NELL1: variants seen among roughly 807,000 people sequenced by gnomAD.
NELL1 encodes the protein protein kinase C-binding protein NELL1.
Under a neutral mutation model 107.4 loss-of-function variants are expected in NELL1, and 76 were observed. The observed-to-expected ratio is 0.71, with a 90% confidence interval of 0.59 to 0.86. NELL1 has a LOEUF of 0.86. NELL1 is among the 40% of genes least tolerant of loss of function. NELL1 has a pLI of 0.00. For missense variants in NELL1, 1,024 were observed against 1,005.5 expected, an observed-to-expected ratio of 1.02 and a Z score of -0.25; for synonymous variants, 353 against 341.2, an observed-to-expected ratio of 1.03 and a Z score of -0.38.
At position 20,677,928 on chromosome 11, in the gene NELL1, C is replaced by T. The variant is rs371893947; in HGVS notation, c.56-4C>T. On this transcript the variant is annotated splice_region_variant and splice_polypyrimidine_tract_variant and intron_variant, in intron 1 of 19. Coordinates refer to ENST00000357134, the MANE Select transcript of NELL1 (RefSeq NM_006157.5). ...AGCCCAAACAACTCTTTGTTCCTTT[C>T]CAGTGGTGGGCTTTGGGATGGACCC... 6.2e-7 allele frequency: 1 copy of T among 1,613,840 alleles called. No individual in the cohort carries two copies. Among genetic ancestry groups the T allele is most frequent in the Non-Finnish European group, 8.5e-7 (1 of 1,179,896 alleles).
intron 15 of NELL1, among the ~76,000 whole-genome samples, chr11:21,375,942 T>C (rs1210752890): frequency 6.6e-6 from 1 of 152,164 alleles, no homozygotes; most frequent in Non-Finnish European, 1.5e-5. Context: ...ATATTCTGAA[T>C]ATTAGGCCTT....
At chr11:20,795,967 G>T (rs1464881080) in intron 3 of NELL1, among the ~76,000 whole-genome samples, 51 of 152,004 alleles carry the variant, frequency 3.4e-4, no homozygotes, top group Admixed American at 3.3e-3. Flanking sequence ...GGTTCTTCTA[G>T]GTAAAGTGAA....
intron 13 of NELL1, among the ~76,000 whole-genome samples, chr11:21,136,283 G>A (rs540569594): frequency 6.6e-6 from 1 of 152,304 alleles, no homozygotes; most frequent in South Asian, 2.1e-4. Context: ...AGCCATGCCT[G>A]TTGTGAGGGG....
intron 15 of NELL1, among the ~76,000 whole-genome samples, chr11:21,464,987 T>A (rs1253693386): frequency 1.3e-5 from 2 of 152,082 alleles, no homozygotes; most frequent in Non-Finnish European, 2.9e-5. Flanking sequence ...TGCACAAAAC[T>A]TTGAAAGGCA....
intron 2 of NELL1, among the ~76,000 whole-genome samples, chr11:20,707,415 A>G (rs1039264082): frequency 3.3e-5 from 5 of 152,184 alleles, no homozygotes; most frequent in African/African-American, 1.2e-4. Context: ...GCTGGCAAGG[A>G]GCTGCATTCC....
chr11:20,936,649 C>T (rs1002568155), intron 9 of NELL1, among the ~76,000 whole-genome samples: 2 of 151,840 alleles, frequency 1.3e-5, no homozygotes, highest in African/African-American at 4.9e-5. Context: ...TATGTAATTA[C>T]TGTCTATTTC....
upstream of NELL1, chr11:20,669,574 T>C (rs763838966): frequency 1.2e-4 from 64 of 512,544 alleles, no homozygotes; most frequent in African/African-American, 1.2e-3. The surrounding 1 kb of genome is among the most constrained non-coding windows in gnomAD (Gnocchi z 4.4). Flanking sequence ...CGGGCGCATA[T>C]GCGAGCGCAG....
At chr11:21,271,804 G>A (rs191853726) in intron 14 of NELL1, among the ~76,000 whole-genome samples, 1 of 152,302 alleles carries the variant, frequency 6.6e-6, no homozygotes, top group Admixed American at 6.5e-5. Context: ...TCCCAGGTAA[G>A]GCAAGACTGG....
At chr11:21,468,694 G>A (rs1029083666) in intron 15 of NELL1, among the ~76,000 whole-genome samples, 2 of 152,046 alleles carry the variant, frequency 1.3e-5, no homozygotes, top group Non-Finnish European at 2.9e-5. Flanking sequence ...AAATTCGAAA[G>A]CCCTCTTTAG....
At chr11:21,225,900 C>T (rs1370016537) in intron 13 of NELL1, among the ~76,000 whole-genome samples, 1 of 152,038 alleles carries the variant, frequency 6.6e-6, no homozygotes, top group African/African-American at 2.4e-5. Context: ...TATCATTGTC[C>T]ACATTTTACA....
chr11:21,386,760 T>G (rs1851756058), intron 15 of NELL1, among the ~76,000 whole-genome samples: 1 of 151,924 alleles, frequency 6.6e-6, no homozygotes, highest in Non-Finnish European at 1.5e-5. Context: ...CTCCATAAAT[T>G]CTATGCCTTC....
rs146965338 is a variant in NELL1, at chr11:20,767,425, C to A, written c.185-16255C>A. Among the ~76,000 whole-genome samples the A allele has an allele frequency of 6.4e-4, 98 of 152,254 alleles. 1 individual carries two copies. The highest frequency in any genetic ancestry group is 2.3e-3 in the African/African-American group (94 of 41,550). On this transcript the variant is annotated intron_variant, in intron 2 of 19. Coordinates refer to ENST00000357134, the MANE Select transcript of NELL1 (RefSeq NM_006157.5). ...GAGTGCTGATGGTTGTGTTTACAAT[C>A]CTTTAGCTAGACACGGAGCACTGAT...
chr11:21,208,428 T>TTA (rs1857433527), intron 13 of NELL1, among the ~76,000 whole-genome samples: 2 of 150,082 alleles, frequency 1.3e-5, no homozygotes, highest in African/African-American at 4.9e-5. Flanking sequence ...TGGATATATA[T>TTA]TATATATAAT....
At chr11:21,198,195 T>A (rs1203085628) in intron 13 of NELL1, among the ~76,000 whole-genome samples, 1 of 152,182 alleles carries the variant, frequency 6.6e-6, no homozygotes, top group Admixed American at 6.5e-5. Flanking sequence ...TCTCCACATG[T>A]TCTTGGCTTT....
At chr11:21,510,529 A>G (rs1385359593) in intron 15 of NELL1, among the ~76,000 whole-genome samples, 2 of 152,166 alleles carry the variant, frequency 1.3e-5, no homozygotes, top group Non-Finnish European at 2.9e-5. Context: ...GAACCTAGAT[A>G]CAATGTGGGG....
At chr11:21,166,596 C>A (rs1856489054) in intron 13 of NELL1, among the ~76,000 whole-genome samples, 1 of 151,376 alleles carries the variant, frequency 6.6e-6, no homozygotes. Context: ...TACAATGTAC[C>A]CACAAAAATA....
intron 12 of NELL1, among the ~76,000 whole-genome samples, chr11:20,976,425 C>T (rs948772865): frequency 2.0e-5 from 3 of 152,158 alleles, no homozygotes; most frequent in Non-Finnish European, 4.4e-5. Flanking sequence ...TGATTCTCCA[C>T]TGTCACTGAG....
intron 12 of NELL1, among the ~76,000 whole-genome samples, chr11:20,979,374 TTGTG>T (rs1262641322): frequency 6.6e-6 from 1 of 152,070 alleles, no homozygotes; most frequent in Non-Finnish European, 1.5e-5. Flanking sequence ...GTGTGTGTGT[TTGTG>T]TGTGCACACG....
chr11:21,412,448 A>G (rs1852401813), intron 15 of NELL1, among the ~76,000 whole-genome samples: 2 of 152,086 alleles, frequency 1.3e-5, no homozygotes, highest in Admixed American at 1.3e-4. Context: ...AGGATTTGTC[A>G]TTTTATAGGC....
Sources: allele counts gnomAD v4.1 joint callset (sites outside exome capture counted in the v4.1 genomes callset), GRCh38; gene constraint gnomAD v4.1.1; non-coding constraint Gnocchi (gnomAD v3.1); transcripts MANE v1.5; gene names NCBI Gene and HGNC (gene_info 2026-07-23, HGNC 2026-07-21).